MEIKIN: variants seen among roughly 807,000 people sequenced by gnomAD.
MEIKIN encodes the protein meiotic kinetochore factor.
chr5:131,925,806 C>T (rs1236161594), intron 5 of MEIKIN, among the ~76,000 whole-genome samples: 3 of 151,916 alleles, frequency 2.0e-5, no homozygotes, highest in African/African-American at 7.3e-5. Flanking sequence ...GTAGCTGGGA[C>T]TACAGGCACC....
chr5:131,865,487 G>A (rs1369064440), intron 9 of MEIKIN, among the ~76,000 whole-genome samples: 1 of 152,224 alleles, frequency 6.6e-6, no homozygotes, highest in Non-Finnish European at 1.5e-5. Flanking sequence ...CCAAAGTGCC[G>A]GGATTACAGG....
intron 4 of MEIKIN, among the ~76,000 whole-genome samples, chr5:131,934,551 T>C (rs767817669): frequency 5.2e-4 from 79 of 152,250 alleles, no homozygotes; most frequent in Middle Eastern, 3.4e-3. Context: ...ACTCATACCT[T>C]CCATCATGTA....
At chr5:131,921,334 A>G (rs142795198) in intron 6 of MEIKIN, among the ~76,000 whole-genome samples, 2,894 of 152,268 alleles carry the variant, frequency 0.019, 45 homozygotes, top group Middle Eastern at 0.078. Flanking sequence ...CAACATAGCG[A>G]GACTCCATCT....
intron 8 of MEIKIN, among the ~76,000 whole-genome samples, chr5:131,902,280 A>AAAATTAGCTGGGTATG (rs1278715704): frequency 2.0e-5 from 3 of 152,108 alleles, no homozygotes; most frequent in Non-Finnish European, 4.4e-5. Flanking sequence ...TAAAATACAA[A>AAAATTAGCTGGGTATG]AAATTAGCTG....
intron 8 of MEIKIN, among the ~76,000 whole-genome samples, chr5:131,905,291 C>T (rs1218770376): frequency 1.3e-5 from 2 of 151,854 alleles, no homozygotes; most frequent in African/African-American, 4.8e-5. Flanking sequence ...GGGACATAGC[C>T]AAAGCAATGT....
chr5:131,843,135 C>T (rs764339132), intron 11 of MEIKIN, among the ~76,000 whole-genome samples: 20 of 152,228 alleles, frequency 1.3e-4, no homozygotes, highest in Non-Finnish European at 2.9e-4. Context: ...GGATGTAGGG[C>T]GCCATGTCCC....
At chr5:131,820,074 CTTTT>C (rs138803335) in intron 11 of MEIKIN, among the ~76,000 whole-genome samples, 1 of 112,858 alleles carries the variant, frequency 8.9e-6, no homozygotes, top group Non-Finnish European at 1.7e-5. Flanking sequence ...CGCGCCCGGC[CTTTT>C]TTTTTTTTTT....
chr5:131,816,869 T>C (rs1279364451), intron 12 of MEIKIN, among the ~76,000 whole-genome samples: 2 of 152,190 alleles, frequency 1.3e-5, no homozygotes, highest in African/African-American at 2.4e-5. Context: ...TATATTATTG[T>C]GATGGTCAAT....
rs556196096 is a variant in MEIKIN, at chr5:131,827,277, G to A, written c.976-8414C>T. On this transcript the variant is annotated intron_variant, in intron 11 of 12. Coordinates refer to ENST00000442687, the MANE Select transcript of MEIKIN (RefSeq NM_001303622.2). ...TGAGATTACAAGTGTGAGACATCAT[G>A]ACCAGCCAAAATTGTTTTTTTCAAT... Among the ~76,000 whole-genome samples the A allele has an allele frequency of 1.6e-4, 24 of 152,206 alleles. No homozygotes were observed. The East Asian group carries it at 4.4e-3, about 28-fold the overall frequency.
intron 9 of MEIKIN, among the ~76,000 whole-genome samples, chr5:131,870,249 A>T (rs1157063248): frequency 6.6e-6 from 1 of 151,980 alleles, no homozygotes; most frequent in East Asian, 1.9e-4. Context: ...AATAACATAG[A>T]CACACACACA....
chr5:131,824,268 A>C (rs1340703575), intron 11 of MEIKIN, among the ~76,000 whole-genome samples: 1 of 151,990 alleles, frequency 6.6e-6, no homozygotes, highest in African/African-American at 2.4e-5. Flanking sequence ...TAATCCCAGC[A>C]CTTTGGGAGG....
intron 8 of MEIKIN, among the ~76,000 whole-genome samples, chr5:131,905,013 A>T (rs1283319800): frequency 6.6e-6 from 1 of 152,180 alleles, no homozygotes; most frequent in African/African-American, 2.4e-5. Context: ...GAGGAATAGC[A>T]TTAGGAGACA....
At chr5:131,896,955 T>C (rs1038705478) in intron 8 of MEIKIN, among the ~76,000 whole-genome samples, 1 of 152,234 alleles carries the variant, frequency 6.6e-6, no homozygotes, top group Admixed American at 6.5e-5. Context: ...TGCCCGTTAA[T>C]TGATGCAGTT....
intron 8 of MEIKIN, among the ~76,000 whole-genome samples, chr5:131,899,023 C>T (rs1482182771): frequency 6.6e-6 from 1 of 152,176 alleles, no homozygotes; most frequent in Admixed American, 6.5e-5. Context: ...ACGCTGGGAG[C>T]TGCAGACCGG....
intron 9 of MEIKIN, among the ~76,000 whole-genome samples, chr5:131,873,669 TC>T (rs1380984763): frequency 6.6e-6 from 1 of 152,036 alleles, no homozygotes; most frequent in Non-Finnish European, 1.5e-5. Context: ...TCTACAGAAA[TC>T]TCCACCCCAA....
At chr5:131,863,585 C>CTTTTTTTTTTTTTTTTTTTTTTTG (rs1750328014) in intron 9 of MEIKIN, among the ~76,000 whole-genome samples, 1 of 38,814 alleles carries the variant, frequency 2.6e-5, no homozygotes, top group Non-Finnish European at 5.4e-5. Context: ...TTTTTTTTTA[C>CTTTTTTTTTTTTTTTTTTTTTTTG]TGTTTTTGAC....
chr5:131,942,283 C>T (rs1017394817), intron 4 of MEIKIN, among the ~76,000 whole-genome samples: 3 of 152,188 alleles, frequency 2.0e-5, no homozygotes, highest in African/African-American at 7.2e-5. Context: ...GTTAGAGCTT[C>T]CCTCTGCCTG....
chr5:131,910,774 C>A (rs1751321542), intron 8 of MEIKIN, among the ~76,000 whole-genome samples: 1 of 151,788 alleles, frequency 6.6e-6, no homozygotes, highest in African/African-American at 2.4e-5. Context: ...AAAAAAAAAT[C>A]TCTAGAGTAA....
chr5:131,856,989 G>A (rs1192938749), intron 9 of MEIKIN, among the ~76,000 whole-genome samples: 2 of 150,308 alleles, frequency 1.3e-5, no homozygotes, highest in Non-Finnish European at 3.0e-5. Context: ...TAAGTTTTAG[G>A]GTACATGTGC....
Sources: allele counts gnomAD v4.1 joint callset (sites outside exome capture counted in the v4.1 genomes callset), GRCh38; gene constraint gnomAD v4.1.1; transcripts MANE v1.5; gene names NCBI Gene and HGNC (gene_info 2026-07-23, HGNC 2026-07-21).